The following MAP3K8 variants were observed in gnomAD, a reference collection of about 807,000 sequenced individuals.
MAP3K8 encodes mitogen-activated protein kinase kinase kinase 8, also known as Ewing sarcoma transformant.
In MAP3K8, 22 loss-of-function variants were observed where a neutral mutation model predicts 45.8. That is an observed-to-expected ratio of 0.48 (90% CI 0.34 to 0.69). MAP3K8 has a LOEUF of 0.69. MAP3K8 is among the 30% of genes least tolerant of loss of function. MAP3K8 has a pLI of 0.01. For missense variants in MAP3K8, 419 were observed against 585.0 expected (o/e 0.72, Z 2.93); for synonymous variants, 223 against 214.3 (o/e 1.04, Z -0.36).
intron 4 of MAP3K8, among the ~76,000 whole-genome samples, chr10:30,449,116 G>T (rs1836447213): frequency 6.6e-6 from 1 of 152,182 alleles, no homozygotes; most frequent in Non-Finnish European, 1.5e-5. Flanking sequence ...TTTATATAAA[G>T]GACCAAAACA....
intron 4 of MAP3K8, among the ~76,000 whole-genome samples, chr10:30,448,494 G>A (rs1277806343): frequency 2.6e-5 from 4 of 151,102 alleles, no homozygotes; most frequent in East Asian, 1.9e-4. Context: ...GTGCAGTGTC[G>A]GGGTCTCGGC....
chr10:30,452,065 G>A (rs1564371088), intron 6 of MAP3K8, among the ~76,000 whole-genome samples: 1 of 152,088 alleles, frequency 6.6e-6, no homozygotes, highest in African/African-American at 2.4e-5. Context: ...CAGGTGTGGT[G>A]GCTAATGCCT....
At chr10:30,457,463 A>G (rs1836776667) in intron 6 of MAP3K8, among the ~76,000 whole-genome samples, 2 of 152,296 alleles carry the variant, frequency 1.3e-5, no homozygotes, top group South Asian at 2.1e-4. Flanking sequence ...CAGTGTAATG[A>G]CAAACAGATA....
intron 3 of MAP3K8, among the ~76,000 whole-genome samples, chr10:30,439,678 G>A (rs8176969): frequency 0.016 from 2,361 of 152,140 alleles, 62 homozygotes; most frequent in African/African-American, 0.054. Context: ...GCATGGTGGC[G>A]GGTGCCTGTA....
intron 3 of MAP3K8, among the ~76,000 whole-genome samples, chr10:30,443,504 T>A (rs1451381350): frequency 6.6e-6 from 1 of 152,178 alleles, no homozygotes; most frequent in Non-Finnish European, 1.5e-5. Flanking sequence ...TACTATTAAC[T>A]CTCTCATCAT....
rs9299646 is a variant in MAP3K8 at position 30,458,268 on chromosome 10, C to CG, written c.1026+41dup. The CG allele has an allele frequency of 0.071, 30,958 of 435,350 alleles. 670 individuals carry two copies. The highest frequency in any genetic ancestry group is 0.085 in the East Asian group (1,676 of 19,704). The allele number at this position is 435,350 out of a possible 1,614,324, so 27.0% of individuals were successfully genotyped here. On this transcript the variant is annotated intron_variant, in intron 7 of 8. Transcript: ENST00000263056. ...GGGGTTCAACCAGGGCTGGGGGCGG[C>CG]GGGGGGGGGCGTTGAGTTATGCATC...
At chr10:30,449,482 C>G (rs8177005) in intron 4 of MAP3K8, among the ~76,000 whole-genome samples, 1 of 151,992 alleles carries the variant, frequency 6.6e-6, no homozygotes, top group Non-Finnish European at 1.5e-5. Context: ...TTGAGTTGGA[C>G]CCATCATTTT....
intron 4 of MAP3K8, among the ~76,000 whole-genome samples, chr10:30,448,414 T>TTTTTTTTTATTATTA (rs34801475): frequency 2.2e-5 from 3 of 136,446 alleles, no homozygotes; most frequent in African/African-American, 8.5e-5. Flanking sequence ...CTATCCCAAA[T>TTTTTTTTTATTATTA]TTATTATTAT....
rs1836809684 is a variant in MAP3K8, at chr10:30,458,253, C to T, written c.1026+17C>T. On this transcript the variant is annotated intron_variant, in intron 7 of 8. Coordinates refer to ENST00000263056, the MANE Select transcript of MAP3K8 (RefSeq NM_005204.4). Reference sequence around the variant, plus strand: ...CTGTACATAGTAAGTGGGGTTCAACCAGGGCTGGGGGCGGCGGGGGGGGGC... The same window carrying T: ...CTGTACATAGTAAGTGGGGTTCAACTAGGGCTGGGGGCGGCGGGGGGGGGC... The T allele has an allele frequency of 1.7e-6, 1 of 599,138 alleles. No homozygotes were observed. The highest frequency in any genetic ancestry group is 2.6e-6 in the Non-Finnish European group (1 of 387,912). The allele number at this position is 599,138 out of a possible 1,614,324, so 37.1% of individuals were successfully genotyped here. A position where few individuals can be genotyped will look rare whatever the true frequency, so the allele number is the denominator to read the frequency against.
chr10:30,452,299 G>A (rs979448358), intron 6 of MAP3K8, among the ~76,000 whole-genome samples: 5 of 151,898 alleles, frequency 3.3e-5, no homozygotes, highest in Admixed American at 6.6e-5. Flanking sequence ...GAGAAACCCC[G>A]TCTCTACTAA....
chr10:30,440,855 A>T (rs1485634613), intron 3 of MAP3K8, among the ~76,000 whole-genome samples: 1 of 152,240 alleles, frequency 6.6e-6, no homozygotes, highest in African/African-American at 2.4e-5. Context: ...AAATGAAAAT[A>T]TGCAGAAAAA....
intron 3 of MAP3K8, among the ~76,000 whole-genome samples, chr10:30,442,948 A>G (rs1340824285): frequency 6.6e-6 from 1 of 152,148 alleles, no homozygotes; most frequent in Non-Finnish European, 1.5e-5. Context: ...ACATTTTGGT[A>G]TGTTCTTGAA....
In MAP3K8 at chr10:30,438,926, AAG is replaced by A. The variant is rs747488469; in HGVS notation, c.-10_-9del. On this transcript the variant is annotated 5_prime_UTR_variant, in exon 3 of 9. Coordinates refer to ENST00000263056, the MANE Select transcript of MAP3K8 (RefSeq NM_005204.4). The stretch of plus-strand genomic sequence containing the variant: ...TGTTTTCTTTCCTAGACTCTCCAGA[AAG>A]AGCAACAGTAATGGAGTACATGAGC... 6.4e-7 allele frequency: 1 copy of A among 1,573,912 alleles called. No homozygotes were observed. The highest frequency in any genetic ancestry group is 1.1e-5 in the South Asian group (1 of 88,422).
At chr10:30,434,811 A>G (rs1835861479) in intron 1 of MAP3K8, 1 of 979,980 alleles carries the variant, frequency 1.0e-6, no homozygotes, top group South Asian at 4.7e-5. Context: ...TTGATAATTT[A>G]TAAGCCTTTT....
At position 30,460,656 on chromosome 10, in the gene MAP3K8, T is replaced by C. The variant is rs149784391; in HGVS notation, c.1274-50T>C. Reference sequence around the variant, plus strand: ...TCACTGCAGAAGGAACAGGTATTTATCATTTGACACGTTTTCTTGTTACTT... The same window carrying C: ...TCACTGCAGAAGGAACAGGTATTTACCATTTGACACGTTTTCTTGTTACTT... On this transcript the variant is annotated intron_variant, in intron 8 of 8. Coordinates refer to ENST00000263056, the MANE Select transcript of MAP3K8 (RefSeq NM_005204.4). The C allele has an allele frequency of 3.8e-5, 56 of 1,493,288 alleles. No homozygotes were observed. In the East Asian group the frequency reaches 1.1e-3, roughly 29 times the overall value. 92.5% of individuals were successfully genotyped at this position (1,493,288 alleles called of 1,614,324 possible).
intron 6 of MAP3K8, among the ~76,000 whole-genome samples, chr10:30,452,322 A>T (rs2132817894): frequency 6.6e-6 from 1 of 151,966 alleles, no homozygotes; most frequent in Admixed American, 6.6e-5. Context: ...ATACAAAATT[A>T]ACCAGGCGTG....
chr10:30,450,283 C>G lies in MAP3K8; in HGVS notation c.530C>G (p.Ser177Cys). 6.2e-7 allele frequency: 1 copy of G among 1,608,768 alleles called. No individual in the cohort carries two copies. The highest frequency in any genetic ancestry group is 8.5e-7 in the Non-Finnish European group (1 of 1,175,942). ...ATCCCAGTAGATCAATTTAAGCCATCTGATGTGGAAATCCAGGCTTGCTTC... is the reference window on the plus strand; with the variant it reads ...ATCCCAGTAGATCAATTTAAGCCATGTGATGTGGAAATCCAGGCTTGCTTC... Reference protein sequence around the residue: ...KLIPVDQFKPSDVEIQACFRH... With the variant: ...KLIPVDQFKPCDVEIQACFRH... The change falls in exon 5 of 9, where the codon TCT (serine) becomes TGT (cysteine). Residue 177 changes from serine (S) to cysteine (C), a missense_variant. Physicochemically the swap from Ser to Cys is moderately radical, Grantham distance 112 (BLOSUM62 -1). Around this residue, in one of 3 missense-constraint regions of MAP3K8, gnomAD observed 209 missense variants for 367.3 expected, o/e 0.57. Transcript: ENST00000263056.
At chr10:30,438,868 A>T in intron 2 of MAP3K8, 48 bp from the exon 3 acceptor site, 1 of 1,041,440 alleles carries the variant, frequency 9.6e-7, no homozygotes, top group East Asian at 2.6e-5. Context: ...TGGGTCTTGA[A>T]TGCAAATACA....
chr10:30,460,930 C>A lies in MAP3K8; in HGVS notation c.*94C>A. The A allele has an allele frequency of 6.8e-7, 1 of 1,475,862 alleles. No homozygotes were observed. The highest frequency in any genetic ancestry group is 2.2e-5 in the Admixed American group (1 of 46,098). 91.4% of individuals were successfully genotyped at this position (1,475,862 alleles called of 1,614,324 possible). A position where few individuals can be genotyped will look rare whatever the true frequency, so the allele number is the denominator to read the frequency against. ...CAGGGGCCCTGTACAGTGAATGGTGCCATTTTCGAAGGAGCAGTGTGACCT... is the reference window on the plus strand; with the variant it reads ...CAGGGGCCCTGTACAGTGAATGGTGACATTTTCGAAGGAGCAGTGTGACCT... On this transcript the variant is annotated 3_prime_UTR_variant, in exon 9 of 9. Coordinates refer to ENST00000263056, the MANE Select transcript of MAP3K8 (RefSeq NM_005204.4).
Sources: allele counts gnomAD v4.1 joint callset (sites outside exome capture counted in the v4.1 genomes callset), GRCh38; gene constraint gnomAD v4.1.1; regional missense constraint gnomAD v4.1.1; transcripts MANE v1.5; gene names NCBI Gene and HGNC (gene_info 2026-07-23, HGNC 2026-07-21).